The following GRM7 variants were observed in gnomAD, a reference collection of about 807,000 sequenced individuals.
The protein encoded by GRM7 is glutamate metabotropic receptor 7.
GRM7 carries 35 observed loss-of-function variants against 84.5 expected under a neutral mutation model. The ratio of observed to expected loss-of-function variants is 0.41; its 90% CI spans 0.32 to 0.55. The LOEUF is 0.55. Ranked by LOEUF, GRM7 falls within the 20% of genes least tolerant of loss-of-function variation. The probability of loss-of-function intolerance (pLI) is 0.19; values close to 1 mark genes in which losing one functional copy is unlikely to be tolerated. For missense variants in GRM7, 1,003 were observed against 1,194.6 expected (o/e 0.84, Z 2.36); for synonymous variants, 487 against 455.1 (o/e 1.07, Z -0.89).
rs556905312 is a variant in GRM7, at chr3:7,151,730, C to T, written c.736+5062C>T. Reference sequence around the variant, plus strand: ...AGGAAGCATGTAGAGAAACACCTTACGATATGTAATTTTGCTAGAAGGCCA... The same window carrying T: ...AGGAAGCATGTAGAGAAACACCTTATGATATGTAATTTTGCTAGAAGGCCA... On this transcript the variant is annotated intron_variant, in intron 2 of 9. Transcript: ENST00000357716. The surrounding 1 kb of genome is among the most constrained non-coding windows in gnomAD (Gnocchi z 4.5). 8.5e-5 allele frequency among the ~76,000 whole-genome samples: 13 copies of T among 152,150 alleles called. No homozygotes were observed. The highest frequency in any genetic ancestry group is 6.2e-4 in the South Asian group (3 of 4,820).
intron 1 of GRM7, among the ~76,000 whole-genome samples, chr3:6,959,544 A>C (rs1456160266): frequency 6.6e-6 from 1 of 152,148 alleles, no homozygotes; most frequent in East Asian, 1.9e-4. Context: ...AGACTCTAGG[A>C]AACTGGGCTT....
chr3:7,514,319 G>T (rs1700305709), intron 7 of GRM7, among the ~76,000 whole-genome samples: 1 of 152,182 alleles, frequency 6.6e-6, no homozygotes, highest in Non-Finnish European at 1.5e-5. Flanking sequence ...ATTGGCTTAA[G>T]ACCTATTGCA....
chr3:7,600,615 G>A (rs1039129414), intron 8 of GRM7, among the ~76,000 whole-genome samples: 3 of 152,064 alleles, frequency 2.0e-5, no homozygotes, highest in African/African-American at 4.8e-5. Flanking sequence ...TCCTCTCTGG[G>A]CATCAGTTTC....
At chr3:7,652,033 A>G (rs975910995) in intron 8 of GRM7, among the ~76,000 whole-genome samples, 14 of 152,194 alleles carry the variant, frequency 9.2e-5, no homozygotes, top group Admixed American at 7.2e-4. Flanking sequence ...TTTGGGGGGA[A>G]AAAATGGAAC....
chr3:7,381,012 C>T (rs957679934), intron 4 of GRM7, among the ~76,000 whole-genome samples: 1 of 152,008 alleles, frequency 6.6e-6, no homozygotes, highest in South Asian at 2.1e-4. Context: ...ATAAGAGAGG[C>T]ATTATGGGGT....
chr3:6,981,500 G>C (rs569397461), intron 1 of GRM7, among the ~76,000 whole-genome samples: 1 of 152,266 alleles, frequency 6.6e-6, no homozygotes, highest in Admixed American at 6.5e-5. Flanking sequence ...TGTTGGCATA[G>C]GTTGTCTACC....
chr3:7,026,988 G>T (rs1195354040), intron 1 of GRM7, among the ~76,000 whole-genome samples: 1 of 152,108 alleles, frequency 6.6e-6, no homozygotes, highest in African/African-American at 2.4e-5. Context: ...TCATTGCTTT[G>T]GCTCATGCCA....
intron 8 of GRM7, among the ~76,000 whole-genome samples, chr3:7,661,408 C>T (rs1329102349): frequency 6.6e-6 from 1 of 152,098 alleles, no homozygotes; most frequent in East Asian, 1.9e-4. Flanking sequence ...TTCCTGCACA[C>T]CTATTAGAAA....
Position 6,861,641 on chromosome 3 carries a change from G to T in GRM7, c.253G>T (p.Ala85Ser). 1 of 1,613,716 alleles carries T rather than the reference G, an allele frequency of 6.2e-7. No homozygotes were observed. Among genetic ancestry groups the T allele is most frequent in the Non-Finnish European group, 8.5e-7 (1 of 1,179,894 alleles). ...CCACAGGCTGGAAGCGATGCTCTACGCCCTGGACCAGATCAACAGTGATCC... is the reference window on the plus strand; with the variant it reads ...CCACAGGCTGGAAGCGATGCTCTACTCCCTGGACCAGATCAACAGTGATCC... ...GIHRLEAMLY[A>S]LDQINSDPNL... Residue 85 changes from alanine (A) to serine (S), a missense_variant, in exon 1 of 10, where the codon GCC becomes TCC. Transcript: ENST00000357716. This position sits in a 1 kb window ranked among gnomAD's most constrained non-coding sequence, Gnocchi z 6.4.
At chr3:7,485,685 G>T (rs779733) in intron 7 of GRM7, among the ~76,000 whole-genome samples, 43,182 of 152,086 alleles carry the variant, frequency 0.28, 6,386 homozygotes, top group East Asian at 0.39. Flanking sequence ...TCTTCCAATT[G>T]TTGTGGCAGT....
chr3:6,994,451 T>G (rs1013082496), intron 1 of GRM7, among the ~76,000 whole-genome samples: 2 of 152,216 alleles, frequency 1.3e-5, no homozygotes, highest in African/African-American at 2.4e-5. Flanking sequence ...TTGCCCTTAA[T>G]AAACTGTAGT....
chr3:7,370,836 C>G (rs1440737913), intron 4 of GRM7, among the ~76,000 whole-genome samples: 1 of 152,100 alleles, frequency 6.6e-6, no homozygotes, highest in Non-Finnish European at 1.5e-5. Flanking sequence ...CTCTTCCATT[C>G]CTCAGGCAGC....
intron 2 of GRM7, among the ~76,000 whole-genome samples, chr3:7,239,707 A>G (rs1438784494): frequency 1.3e-5 from 2 of 152,116 alleles, no homozygotes; most frequent in Non-Finnish European, 2.9e-5. Flanking sequence ...AAATTTTCTG[A>G]AGACTCTCAA....
intron 1 of GRM7, among the ~76,000 whole-genome samples, chr3:7,010,232 C>A (rs957625411): frequency 1.3e-5 from 2 of 152,136 alleles, no homozygotes; most frequent in African/African-American, 4.8e-5. Context: ...AGGCAGATTG[C>A]CTGAGCTCTG....
chr3:7,562,804 G>A (rs1145140), intron 7 of GRM7, among the ~76,000 whole-genome samples: 80,154 of 151,914 alleles, frequency 0.53, 21,579 homozygotes, highest in African/African-American at 0.61. Flanking sequence ...AAAGTCTTCA[G>A]TACACTAATA....
chr3:7,288,006 A>G (rs1325818812), intron 2 of GRM7, among the ~76,000 whole-genome samples: 1 of 152,174 alleles, frequency 6.6e-6, no homozygotes. Flanking sequence ...TGTTATCCAA[A>G]TTGATATTAT....
chr3:7,119,132 T>G (rs1328109069), intron 1 of GRM7, among the ~76,000 whole-genome samples: 1 of 152,170 alleles, frequency 6.6e-6, no homozygotes, highest in African/African-American at 2.4e-5. Flanking sequence ...ACTATGAGTG[T>G]GCGTGTTTGT....
chr3:7,477,238 A>G (rs1462891624), intron 7 of GRM7, among the ~76,000 whole-genome samples: 2 of 152,158 alleles, frequency 1.3e-5, no homozygotes, highest in African/African-American at 2.4e-5. Flanking sequence ...CACTCAAAAG[A>G]GCAAGATACT....
At chr3:7,611,811 C>T (rs1200904531) in intron 8 of GRM7, among the ~76,000 whole-genome samples, 2 of 152,030 alleles carry the variant, frequency 1.3e-5, no homozygotes, top group African/African-American at 2.4e-5. Flanking sequence ...TAGAAATGGA[C>T]AGCTCCATCT....
Sources: allele counts gnomAD v4.1 joint callset (sites outside exome capture counted in the v4.1 genomes callset), GRCh38; gene constraint gnomAD v4.1.1; non-coding constraint Gnocchi (gnomAD v3.1); transcripts MANE v1.5; gene names NCBI Gene and HGNC (gene_info 2026-07-23, HGNC 2026-07-21).